Variants in RIMS2 observed in about 807,000 individuals in gnomAD.
RIMS2 encodes regulating synaptic membrane exocytosis protein 2.
RIMS2 carries 59 observed loss-of-function variants against 174.4 expected under a neutral mutation model. The ratio of observed to expected loss-of-function variants is 0.34; its 90% CI spans 0.27 to 0.42. RIMS2 has a LOEUF of 0.42. Among genes scored for constraint, RIMS2 ranks in the 10% least tolerant of loss-of-function variants. The pLI, the probability that RIMS2 is intolerant of heterozygous loss-of-function variation, is 1.00. For synonymous variants in RIMS2, 606 were observed against 572.5 expected, an observed-to-expected ratio of 1.06 and a Z score of -0.84; for missense variants, 1,620 against 1,666.3, an observed-to-expected ratio of 0.97 and a Z score of 0.48.
intron 1 of RIMS2, among the ~76,000 whole-genome samples, chr8:103,637,481 G>A (rs952298191): frequency 6.6e-6 from 1 of 152,166 alleles, no homozygotes; most frequent in East Asian, 1.9e-4. Context: ...ATAAGTACTT[G>A]TGAAAGATAA....
intron 2 of RIMS2, among the ~76,000 whole-genome samples, chr8:103,735,536 T>G (rs532466762): frequency 6.6e-6 from 1 of 152,340 alleles, no homozygotes; most frequent in South Asian, 2.1e-4. Flanking sequence ...TGATGTTCGT[T>G]CATGGTGGAT....
chr8:103,751,478 G>A (rs2097890620), intron 2 of RIMS2, among the ~76,000 whole-genome samples: 1 of 151,622 alleles, frequency 6.6e-6, no homozygotes, highest in Non-Finnish European at 1.5e-5. Context: ...GGGATGTCTG[G>A]GTCAAATGGT....
At chr8:103,854,533 T>G (rs1421286488) in intron 3 of RIMS2, among the ~76,000 whole-genome samples, 2 of 151,964 alleles carry the variant, frequency 1.3e-5, no homozygotes, top group African/African-American at 4.8e-5. Flanking sequence ...ACATGTTGTT[T>G]TGTTGCCTAG....
rs1047173330 is a variant in RIMS2 at position 103,830,634 on chromosome 8, GTGT to G, written c.699-54659_699-54657del. Among the ~76,000 whole-genome samples, 8 of 150,016 alleles carry G rather than the reference GTGT, an allele frequency of 5.3e-5. 1 individual carries two copies. The highest frequency in any genetic ancestry group is 7.4e-5 in the Non-Finnish European group (5 of 68,008). ...GTCAATTATGTCATGATGTTTAATA[GTGT>G]TGTTCAGATCTTCTGTCTCAGTGAT... On this transcript the variant is annotated intron_variant, in intron 3 of 23. Transcript: ENST00000504942.
At chr8:103,651,106 T>C (rs540942302) in intron 1 of RIMS2, among the ~76,000 whole-genome samples, 1 of 152,166 alleles carries the variant, frequency 6.6e-6, no homozygotes, top group Non-Finnish European at 1.5e-5. Context: ...AGGACCCTGG[T>C]GATGTGGGTT....
intron 19 of RIMS2, chr8:104,223,519 G>T (rs1481055179): frequency 7.1e-7 from 1 of 1,412,590 alleles, no homozygotes; most frequent in Non-Finnish European, 9.2e-7. Flanking sequence ...GGAGGCAGGG[G>T]CCAGAGCCTC....
chr8:104,232,414 C>A (rs544020613), intron 19 of RIMS2, among the ~76,000 whole-genome samples: 5 of 152,306 alleles, frequency 3.3e-5, no homozygotes, highest in African/African-American at 1.2e-4. Flanking sequence ...GCATATGCAA[C>A]ATGTTTCCTT....
At chr8:103,854,180 C>T (rs1317690803) in intron 3 of RIMS2, among the ~76,000 whole-genome samples, 5 of 151,920 alleles carry the variant, frequency 3.3e-5, no homozygotes, top group Non-Finnish European at 1.5e-5. Flanking sequence ...GGCACTCAGC[C>T]TGGACATTAT....
chr8:103,579,079 G>A (rs2093438878), intron 1 of RIMS2, among the ~76,000 whole-genome samples: 1 of 152,014 alleles, frequency 6.6e-6, no homozygotes, highest in African/African-American at 2.4e-5. Context: ...ACAAAAACTG[G>A]GAGAATTCAC....
chr8:103,641,985 TG>T lies in RIMS2; in HGVS notation c.177-55100del, dbSNP rs1467176617. ...AATGGACTAAGACATTGTGTCTTTT[TG>T]TTTTCATCCATTCTGATATTCTCTG... On this transcript the variant is annotated intron_variant, in intron 1 of 23. Transcript: ENST00000504942. Among the ~76,000 whole-genome samples, 3 of 149,846 alleles carry T rather than the reference TG, an allele frequency of 2.0e-5. No homozygotes were observed. The Admixed American group carries it at 2.0e-4, about 10-fold the overall frequency.
chr8:103,596,581 A>G (rs2094486359), intron 1 of RIMS2, among the ~76,000 whole-genome samples: 1 of 152,056 alleles, frequency 6.6e-6, no homozygotes, highest in Non-Finnish European at 1.5e-5. Flanking sequence ...TGTTATTGTT[A>G]ACTATAGTGG....
intron 16 of RIMS2, among the ~76,000 whole-genome samples, chr8:103,987,622 G>C (rs1439623349): frequency 6.6e-6 from 1 of 152,032 alleles, no homozygotes; most frequent in Non-Finnish European, 1.5e-5. Flanking sequence ...TAGTACTTCA[G>C]GTCCTGAAAA....
chr8:103,766,798 A>G (rs2098177165), intron 3 of RIMS2, among the ~76,000 whole-genome samples: 1 of 152,342 alleles, frequency 6.6e-6, no homozygotes, highest in Admixed American at 6.5e-5. Flanking sequence ...GGAACTTAGA[A>G]GTTTTTGTCA....
At chr8:104,024,482 A>G (rs2154555401) in intron 19 of RIMS2, among the ~76,000 whole-genome samples, 1 of 152,326 alleles carries the variant, frequency 6.6e-6, no homozygotes, top group South Asian at 2.1e-4. Flanking sequence ...ATGCCTCTTC[A>G]TAGCATTCTA....
intron 1 of RIMS2, among the ~76,000 whole-genome samples, chr8:103,628,948 A>G (rs1589327662): frequency 6.6e-6 from 1 of 152,280 alleles, no homozygotes; most frequent in South Asian, 2.1e-4. Flanking sequence ...AGGTCTGTCC[A>G]CCAACCACAG....
chr8:103,750,766 G>T (rs1373372889), intron 2 of RIMS2, among the ~76,000 whole-genome samples: 1 of 152,124 alleles, frequency 6.6e-6, no homozygotes, highest in Middle Eastern at 3.2e-3. Flanking sequence ...GCCCTGTGAA[G>T]AGATGCCTTC....
intron 12 of RIMS2, among the ~76,000 whole-genome samples, chr8:103,936,047 T>C (rs1044365058): frequency 6.6e-6 from 1 of 152,190 alleles, no homozygotes; most frequent in African/African-American, 2.4e-5. Flanking sequence ...GAATTTCTTA[T>C]ATTTAAAAAA....
intron 2 of RIMS2, among the ~76,000 whole-genome samples, chr8:103,732,618 T>A (rs1261003275): frequency 6.6e-6 from 1 of 152,144 alleles, no homozygotes; most frequent in African/African-American, 2.4e-5. Flanking sequence ...GAAATCTACC[T>A]GGTGCTTTGT....
chr8:104,193,099 C>T (rs1253938966), intron 19 of RIMS2, among the ~76,000 whole-genome samples: 6 of 151,822 alleles, frequency 4.0e-5, no homozygotes, highest in South Asian at 2.1e-4. Context: ...TCTCCATTCT[C>T]CCTCCATCTG....
Sources: gnomAD v4.1 joint callset for allele counts (sites outside exome capture counted in the v4.1 genomes callset) on GRCh38, gnomAD v4.1.1 for gene constraint, MANE v1.5 for transcripts, NCBI Gene and HGNC (gene_info 2026-07-23, HGNC 2026-07-21) for gene names.